SPINK1: variants seen among roughly 807,000 people sequenced by gnomAD.
SPINK1 encodes serine peptidase inhibitor Kazal type 1.
Under a neutral mutation model 9.5 loss-of-function variants are expected in SPINK1, and 5 were observed. The observed-to-expected ratio is 0.52, with a 90% CI of 0.27 to 1.10. The LOEUF (loss-of-function observed/expected upper bound fraction) is 1.10, where lower values mean the gene tolerates loss of function less well. Among genes scored for constraint, SPINK1 ranks in the 50% least tolerant of loss-of-function variants. The pLI, the probability that SPINK1 is intolerant of heterozygous loss-of-function variation, is 0.11. For synonymous variants in SPINK1, 37 were observed against 32.3 expected (o/e 1.14, Z -0.49); for missense variants, 88 against 92.7 (o/e 0.95, Z 0.21).
At chr5:147,836,531 A>C (rs1756599882), upstream of SPINK1, among the ~76,000 whole-genome samples, 1 of 151,940 alleles carries the variant, frequency 6.6e-6, no homozygotes, top group Non-Finnish European at 1.5e-5. Context: ...CCTGGATGTC[A>C]TGACCTTTTA....
chr5:147,830,788 C>A (rs1217319620), intron 1 of SPINK1, among the ~76,000 whole-genome samples: 1 of 152,158 alleles, frequency 6.6e-6, no homozygotes, highest in Non-Finnish European at 1.5e-5. Context: ...AAAATGTTAA[C>A]CATTTCCAGT....
At chr5:147,834,663 A>T (rs1264987424), upstream of SPINK1, among the ~76,000 whole-genome samples, 1 of 152,082 alleles carries the variant, frequency 6.6e-6, no homozygotes, top group Non-Finnish European at 1.5e-5. Context: ...CAGTGTGGGG[A>T]GAAGGGAATT....
chr5:147,826,617 A>G (rs562731039), intron 3 of SPINK1, among the ~76,000 whole-genome samples: 3 of 152,188 alleles, frequency 2.0e-5, no homozygotes. Flanking sequence ...TTGGATGGAA[A>G]TATGATGTTT....
chr5:147,825,984 T>C (rs1295806012), intron 3 of SPINK1, among the ~76,000 whole-genome samples: 2 of 152,232 alleles, frequency 1.3e-5, no homozygotes, highest in East Asian at 3.8e-4. Context: ...AAGTTAGTGT[T>C]AGCCACATTA....
chr5:147,828,563 C>T lies in SPINK1; in HGVS notation c.88-435G>A, dbSNP rs547082495. On this transcript the variant is annotated intron_variant, in intron 2 of 3. Coordinates refer to ENST00000296695, the MANE Select transcript of SPINK1 (RefSeq NM_001379610.1). ...ACACACACTGGTCTTCTATTAGGCACTTAAAGGCACTAGGCATTGTCGGGT... is the reference window on the plus strand; with the variant it reads ...ACACACACTGGTCTTCTATTAGGCATTTAAAGGCACTAGGCATTGTCGGGT... 5.9e-5 allele frequency among the ~76,000 whole-genome samples: 9 copies of T among 152,282 alleles called. No homozygotes were observed. The South Asian group carries it at 8.3e-4, about 14-fold the overall frequency.
intron 1 of SPINK1, among the ~76,000 whole-genome samples, chr5:147,831,213 G>A (rs574961232): frequency 2.6e-5 from 4 of 152,246 alleles, no homozygotes; most frequent in South Asian, 2.1e-4. Flanking sequence ...TTTACAGAAT[G>A]AGAAGTATAC....
chr5:147,831,373 T>G, intron 1 of SPINK1, 150 bp downstream of exon 1: 1 of 997,952 alleles, frequency 1.0e-6, no homozygotes, highest in Non-Finnish European at 1.4e-6. Context: ...TCTTAAAAAA[T>G]AATTCTTACC....
chr5:147,832,544 G>A (rs144972581), upstream of SPINK1, among the ~76,000 whole-genome samples: 2 of 152,258 alleles, frequency 1.3e-5, no homozygotes, highest in Non-Finnish European at 2.9e-5. Context: ...TCCTTCTAGG[G>A]CAAAGACCAT....
chr5:147,827,913 G>GA (rs1756437708), intron 3 of SPINK1, 109 bp downstream of exon 3: 4 of 793,890 alleles, frequency 5.0e-6, no homozygotes. Flanking sequence ...ACTGTTTTTG[G>GA]AAAAAGTAAA....
At chr5:147,825,065 A>T (rs1009769883) in intron 3 of SPINK1, among the ~76,000 whole-genome samples, 1 of 152,156 alleles carries the variant, frequency 6.6e-6, no homozygotes, top group African/African-American at 2.4e-5. Context: ...ATCTCAGCTG[A>T]TGCCTGAGCT....
rs191665420 is a variant in SPINK1 at position 147,825,224 on chromosome 5, C to T, written c.195-518G>A. Reference sequence around the variant, plus strand: ...CCCCTCCAGATAAAACCTCTCTGTTCGCCCCACACTACCATTACCAAACTA... The same window carrying T: ...CCCCTCCAGATAAAACCTCTCTGTTTGCCCCACACTACCATTACCAAACTA... On this transcript the variant is annotated intron_variant, in intron 3 of 3. Coordinates refer to ENST00000296695, the MANE Select transcript of SPINK1 (RefSeq NM_001379610.1). 2.4e-3 allele frequency among the ~76,000 whole-genome samples: 367 copies of T among 152,194 alleles called. 1 individual carries two copies. The highest frequency in any genetic ancestry group is 8.3e-3 in the Admixed American group (127 of 15,282).
At chr5:147,828,814 C>A (rs1756457449) in intron 2 of SPINK1, among the ~76,000 whole-genome samples, 1 of 152,160 alleles carries the variant, frequency 6.6e-6, no homozygotes, top group Non-Finnish European at 1.5e-5. Context: ...AGAATTCAAA[C>A]CTAGTCAGAG....
intron 3 of SPINK1, 80 bp downstream of exon 3, chr5:147,827,942 G>A: frequency 9.2e-7 from 1 of 1,092,308 alleles, no homozygotes; most frequent in Non-Finnish European, 1.3e-6. Flanking sequence ...TTTTCTCGGG[G>A]TGAGATTCAT....
chr5:147,835,426 G>A (rs1383812257), upstream of SPINK1, among the ~76,000 whole-genome samples: 3 of 152,026 alleles, frequency 2.0e-5, no homozygotes, highest in Non-Finnish European at 4.4e-5. Context: ...GTTTGCCCCG[G>A]GAGATGAGGA....
chr5:147,825,440 T>C (rs1309474811), intron 3 of SPINK1, among the ~76,000 whole-genome samples: 2 of 150,802 alleles, frequency 1.3e-5, no homozygotes, highest in Non-Finnish European at 3.0e-5. Context: ...CTTTTCTTTT[T>C]TTCTTTTTTT....
At chr5:147,834,955 A>G (rs1395245757), upstream of SPINK1, among the ~76,000 whole-genome samples, 1 of 152,078 alleles carries the variant, frequency 6.6e-6, no homozygotes, top group Non-Finnish European at 1.5e-5. Flanking sequence ...CAGTTTGCCA[A>G]TCCTAATCTG....
intron 2 of SPINK1, 74 bp downstream of exon 2, chr5:147,829,525 G>T: frequency 7.0e-7 from 1 of 1,434,018 alleles, no homozygotes. Context: ...ACTGAAAGGT[G>T]ACAGCAAGGC....
chr5:147,826,513 A>G (rs190514799), intron 3 of SPINK1, among the ~76,000 whole-genome samples: 42 of 152,296 alleles, frequency 2.8e-4, no homozygotes, highest in African/African-American at 9.4e-4. Context: ...CCAGCCCTCT[A>G]CTAATATTTT....
intron 3 of SPINK1, among the ~76,000 whole-genome samples, chr5:147,825,011 G>T (rs1224293643): frequency 6.6e-6 from 1 of 152,134 alleles, no homozygotes; most frequent in Non-Finnish European, 1.5e-5. Context: ...AACTATTGTT[G>T]CATCTTTTGC....
Sources: allele counts gnomAD v4.1 joint callset (sites outside exome capture counted in the v4.1 genomes callset), GRCh38; gene constraint gnomAD v4.1.1; transcripts MANE v1.5; gene names NCBI Gene and HGNC (gene_info 2026-07-23, HGNC 2026-07-21).